Variants in USP24 observed in about 807,000 individuals in gnomAD.
The protein encoded by USP24 is ubiquitin specific peptidase 24.
In USP24, 97 loss-of-function variants were observed where a neutral mutation model predicts 361.6. That is an observed-to-expected ratio of 0.27 (90% CI 0.23 to 0.32). The LOEUF (loss-of-function observed/expected upper bound fraction) is 0.32. Among genes scored for constraint, USP24 ranks in the 10% least tolerant of loss-of-function variants. The probability of loss-of-function intolerance (pLI) is 1.00; values close to 1 mark genes in which losing one functional copy is unlikely to be tolerated. For synonymous variants in USP24, 1,098 were observed against 1,124.6 expected (o/e 0.98, Z 0.47); for missense variants, 2,353 against 3,165.6 (o/e 0.74, Z 6.16).
rs191610011 is a variant in USP24 at position 55,191,638 on chromosome 1, C to T, written c.325-13506G>A. On this transcript the variant is annotated intron_variant, in intron 1 of 67. Coordinates refer to ENST00000294383, the MANE Select transcript of USP24 (RefSeq NM_015306.3). ...CCTGAGTAGCTGGGATTACAGGCGC[C>T]TGCCACCACGTCCGGCTAATTTTTT... Among the ~76,000 whole-genome samples, 822 of 152,078 alleles carry T rather than the reference C, an allele frequency of 5.4e-3. 30 individuals carry two copies. The highest frequency in any genetic ancestry group is 0.049 in the Admixed American group (741 of 15,270).
At chr1:55,166,971 T>C (rs1474337272) in intron 5 of USP24, among the ~76,000 whole-genome samples, 3 of 152,306 alleles carry the variant, frequency 2.0e-5, no homozygotes, top group African/African-American at 2.4e-5. Flanking sequence ...TCAGCAGAGA[T>C]TAAAAGTTTT....
At chr1:55,091,939 A>C (rs968711346) in intron 54 of USP24, 84 bp downstream of exon 54, 4 of 1,061,660 alleles carry the variant, frequency 3.8e-6, no homozygotes, top group Non-Finnish European at 5.5e-6. Flanking sequence ...CTGCTTTCAC[A>C]ATATTTTAAT....
chr1:55,073,979 T>G, intron 63 of USP24, 73 bp from the exon 64 acceptor site: 1 of 1,244,460 alleles, frequency 8.0e-7, no homozygotes, highest in Non-Finnish European at 1.1e-6. Flanking sequence ...CAACAAGCTC[T>G]CTTGTTCTAA....
intron 1 of USP24, among the ~76,000 whole-genome samples, chr1:55,195,765 A>G (rs1366206350): frequency 6.6e-6 from 1 of 152,198 alleles, no homozygotes; most frequent in African/African-American, 2.4e-5. Flanking sequence ...AACAGAAAGT[A>G]AAGTGGTGGG....
Position 55,095,498 on chromosome 1 carries a change from T to A in USP24, c.6062-102A>T. The A allele has an allele frequency of 2.3e-6, 3 of 1,313,790 alleles. No homozygotes were observed. The South Asian group carries it at 4.6e-5, about 20-fold the overall frequency. The allele number at this position is 1,313,790 out of a possible 1,614,324, so 81.4% of individuals were successfully genotyped here. Reference sequence around the variant, plus strand: ...ATTATTCCAGCAAGTAGTTAACTACTCCCTAAGTTTGTAAAATGCAAAGTA... The same window carrying A: ...ATTATTCCAGCAAGTAGTTAACTACACCCTAAGTTTGTAAAATGCAAAGTA... On this transcript the variant is annotated intron_variant, in intron 50 of 67. Coordinates refer to ENST00000294383, the MANE Select transcript of USP24 (RefSeq NM_015306.3).
intron 28 of USP24, among the ~76,000 whole-genome samples, chr1:55,135,466 T>C (rs191194238): frequency 1.3e-5 from 2 of 152,376 alleles, no homozygotes; most frequent in Admixed American, 6.5e-5. Context: ...TCTTGTTTCA[T>C]GCACAAAATT....
intron 26 of USP24, 116 bp from the exon 27 acceptor site, chr1:55,138,020 G>A (rs1294112265): frequency 2.3e-5 from 23 of 1,008,980 alleles, no homozygotes; most frequent in Non-Finnish European, 3.0e-5. Flanking sequence ...GAACACAGCA[G>A]AGAACATAAA....
Position 55,138,941 on chromosome 1 carries a change from T to C in USP24, c.2817+3A>G. 1 of 1,611,190 alleles carries C rather than the reference T, an allele frequency of 6.2e-7. No individual in the cohort carries two copies. ...TACATCTTAAAAAAAGGAAGTGGCT[T>C]ACCTCTATAGTGATCACATAGCGCT... On this transcript the variant is annotated splice_donor_region_variant and intron_variant, in intron 25 of 67. Coordinates refer to ENST00000294383, the MANE Select transcript of USP24 (RefSeq NM_015306.3).
At chr1:55,123,689 C>A in intron 35 of USP24, 87 bp from the exon 36 acceptor site, 1 of 1,337,978 alleles carries the variant, frequency 7.5e-7, no homozygotes, top group East Asian at 2.8e-5. Flanking sequence ...CCAGAATCCT[C>A]ATGTGACATT....
At chr1:55,203,097 T>A (rs890092055) in intron 1 of USP24, among the ~76,000 whole-genome samples, 1 of 152,306 alleles carries the variant, frequency 6.6e-6, no homozygotes, top group East Asian at 1.9e-4. Context: ...TATGTATATA[T>A]AGGAAAACAC....
chr1:55,153,940 A>G, intron 15 of USP24, 23 bp from the exon 16 acceptor site: 2 of 1,550,060 alleles, frequency 1.3e-6, no homozygotes, highest in Non-Finnish European at 1.7e-6. Flanking sequence ...TTTAAGAGAA[A>G]TATAAGTGAC....
intron 63 of USP24, 145 bp from the exon 64 acceptor site, chr1:55,074,051 C>CT (rs375425867): frequency 3.7e-5 from 20 of 540,420 alleles, no homozygotes; most frequent in Non-Finnish European, 5.8e-5. Flanking sequence ...ATGGTGGTGC[C>CT]TGACTCAACA....
chr1:55,153,991 TA>T, intron 15 of USP24, 74 bp from the exon 16 acceptor site: 3 of 1,548,054 alleles, frequency 1.9e-6, no homozygotes, highest in Non-Finnish European at 8.7e-7. Flanking sequence ...TCTTGGACTT[TA>T]AGGTAAGAGC....
At chr1:55,149,389 AG>A (rs1466801812) in intron 16 of USP24, among the ~76,000 whole-genome samples, 1 of 152,202 alleles carries the variant, frequency 6.6e-6, no homozygotes, top group Admixed American at 6.5e-5. Context: ...CATTCTTCAG[AG>A]GCTGAAGTTT....
chr1:55,083,234 CATAGCT>C, intron 58 of USP24, 32 bp downstream of exon 58: 1 of 1,592,224 alleles, frequency 6.3e-7, no homozygotes, highest in South Asian at 1.1e-5. Context: ...CTATGAAAAC[CATAGCT>C]ATTCCACTAG....
At chr1:55,158,574 A>C (rs1484714587) in intron 10 of USP24, among the ~76,000 whole-genome samples, 2 of 152,242 alleles carry the variant, frequency 1.3e-5, no homozygotes, top group East Asian at 3.8e-4. Flanking sequence ...CTGAAATAAA[A>C]CAAAACCAAC....
chr1:55,177,224 A>T (rs970421765), intron 2 of USP24, among the ~76,000 whole-genome samples: 2 of 152,248 alleles, frequency 1.3e-5, no homozygotes, highest in African/African-American at 4.8e-5. Flanking sequence ...TGTGTCTGGC[A>T]CAATTCACAT....
intron 39 of USP24, among the ~76,000 whole-genome samples, chr1:55,107,841 CAAAAAAA>C (rs777328294): frequency 2.4e-4 from 9 of 38,258 alleles, no homozygotes; most frequent in East Asian, 1.1e-3. Context: ...GACTCTGTCT[CAAAAAAA>C]AAAAAAAAAA....
chr1:55,121,359 A>G, intron 37 of USP24, 77 bp downstream of exon 37: 5 of 1,333,256 alleles, frequency 3.8e-6, no homozygotes, highest in Non-Finnish European at 5.3e-6. Context: ...TATTCCCGAC[A>G]ATGTCACAGG....
Sources: allele counts gnomAD v4.1 joint callset (sites outside exome capture counted in the v4.1 genomes callset), GRCh38; gene constraint gnomAD v4.1.1; transcripts MANE v1.5; gene names NCBI Gene and HGNC (gene_info 2026-07-23, HGNC 2026-07-21).